Variants in TMEM94 observed in about 807,000 individuals in gnomAD.
The protein encoded by TMEM94 is ER Mg2+ ATPase.
Under a neutral mutation model 158.6 loss-of-function variants are expected in TMEM94, and 81 were observed. That is an observed-to-expected ratio of 0.51 (90% CI 0.43 to 0.61). The LOEUF (loss-of-function observed/expected upper bound fraction) is 0.61, where lower values mean the gene tolerates loss of function less well. TMEM94 is among the 20% of genes least tolerant of loss of function. The pLI, the probability that TMEM94 is intolerant of heterozygous loss-of-function variation, is 0.00. For synonymous variants in TMEM94, 751 were observed against 730.7 expected (o/e 1.03, Z -0.45); for missense variants, 1,435 against 1,762.0 (o/e 0.81, Z 3.32).
chr17:75,479,492 G>A (rs907145881), intron 2 of TMEM94, among the ~76,000 whole-genome samples: 1 of 147,926 alleles, frequency 6.8e-6, no homozygotes, highest in African/African-American at 2.5e-5. Flanking sequence ...GCTAATTTTT[G>A]TATTTTTAAT....
chr17:75,495,812 C>T lies in TMEM94; in HGVS notation c.2945-154C>T. 1 of 832,622 alleles carries T rather than the reference C, an allele frequency of 1.2e-6. No homozygotes were observed. Among genetic ancestry groups the T allele is most frequent in the Admixed American group, 2.3e-5 (1 of 43,148 alleles). 51.6% of individuals were successfully genotyped at this position (832,622 alleles called of 1,614,324 possible). ...TCTTGTGGGTTGGAGTCAGAAGTGCCGATGTTCACATGATCCCGCTGCCGG... is the reference window on the plus strand; with the variant it reads ...TCTTGTGGGTTGGAGTCAGAAGTGCTGATGTTCACATGATCCCGCTGCCGG... On this transcript the variant is annotated intron_variant, in intron 22 of 31. Transcript: ENST00000314256. The surrounding 1 kb of genome is among the most constrained non-coding windows in gnomAD (Gnocchi z 5.6).
Position 75,489,422 on chromosome 17 carries a change from A to G in TMEM94, c.867+54A>G. 6.4e-7 allele frequency: 1 copy of G among 1,569,272 alleles called. No homozygotes were observed. Among genetic ancestry groups the G allele is most frequent in the South Asian group, 1.1e-5 (1 of 90,100 alleles). ...CATGGGGCAGAGGAGAGGGCTGGAC[A>G]CGGGGGGGTCTCAGGGCCACTCACA... On this transcript the variant is annotated intron_variant, in intron 8 of 31. Transcript: ENST00000314256. The surrounding 1 kb of genome is among the most constrained non-coding windows in gnomAD (Gnocchi z 5.0).
intron 1 of TMEM94, among the ~76,000 whole-genome samples, chr17:75,468,726 C>T (rs1045579386): frequency 3.9e-5 from 6 of 152,146 alleles, no homozygotes; most frequent in Admixed American, 6.6e-5. Flanking sequence ...AGGAATTGGG[C>T]GGGGTTTTGG....
chr17:75,493,246 G>A lies in TMEM94; in HGVS notation c.2086+144G>A, dbSNP rs746591907. On this transcript the variant is annotated intron_variant, in intron 16 of 31. Coordinates refer to ENST00000314256, the MANE Select transcript of TMEM94 (RefSeq NM_014738.6). Reference sequence around the variant, plus strand: ...CAAGTGTTCCACTCTGGCAGGGCTGGAATTGGGGACCAGGGCTGGGATGGT... The same window carrying A: ...CAAGTGTTCCACTCTGGCAGGGCTGAAATTGGGGACCAGGGCTGGGATGGT... The A allele has an allele frequency of 4.2e-5, 42 of 993,984 alleles. 1 individual carries two copies. The highest frequency in any genetic ancestry group is 5.2e-4 in the Middle Eastern group (2 of 3,876). The allele number at this position is 993,984 out of a possible 1,614,324, so 61.6% of individuals were successfully genotyped here. A position where few individuals can be genotyped will look rare whatever the true frequency, so the allele number is the denominator to read the frequency against.
At position 75,498,024 on chromosome 17, in the gene TMEM94, C is replaced by T; in HGVS notation, c.3490-151C>T. On this transcript the variant is annotated intron_variant, in intron 27 of 31. Transcript: ENST00000314256. The surrounding 1 kb of genome is among the most constrained non-coding windows in gnomAD (Gnocchi z 6.7). ...CCCCAGATCAAAGAGGAGGTAGTGG[C>T]ACAGAGCTGGGAAAGACCCTTGCTG... The T allele has an allele frequency of 8.4e-7, 1 of 1,190,842 alleles. No homozygotes were observed. Among genetic ancestry groups the T allele is most frequent in the Non-Finnish European group, 1.2e-6 (1 of 838,976 alleles). 73.8% of individuals were successfully genotyped at this position (1,190,842 alleles called of 1,614,324 possible). A position where few individuals can be genotyped will look rare whatever the true frequency, so the allele number is the denominator to read the frequency against.
chr17:75,481,520 G>A (rs1278421356), intron 2 of TMEM94, among the ~76,000 whole-genome samples: 1 of 152,226 alleles, frequency 6.6e-6, no homozygotes, highest in Non-Finnish European at 1.5e-5. Flanking sequence ...GCATCCCTGG[G>A]CCCAGGAGCC....
rs552593403 is a variant in TMEM94, at chr17:75,464,552, C to T, written c.-106-7248C>T. On this transcript the variant is annotated intron_variant, in intron 1 of 31. Transcript: ENST00000314256. ...TCTTCAGTGACTCCTCAGAGCCTCT[C>T]CATTTTGGCCCCTTATCCCTGTGTA... is the stretch of plus-strand genomic sequence containing the variant. Among the ~76,000 whole-genome samples the T allele has an allele frequency of 2.6e-5, 4 of 152,174 alleles. No homozygotes were observed. The South Asian group carries it at 8.3e-4, about 32-fold the overall frequency.
At position 75,498,659 on chromosome 17, in the gene TMEM94, C is replaced by T. The variant is rs780286534; in HGVS notation, c.3764C>T (p.Thr1255Ile). 3 of 1,603,538 alleles carry T rather than the reference C, an allele frequency of 1.9e-6. No individual in the cohort carries two copies. Among genetic ancestry groups the T allele is most frequent in the Non-Finnish European group, 2.6e-6 (3 of 1,174,710 alleles). ...VFISITHVHR[T>I]KPLWRKSPLT... is the part of the protein sequence containing the mutation. ...ATTTCCATCACCCATGTGCATCGCACCAAGCCCCTGTGGAGAAAGAGCCCC... is the reference window on the plus strand; with the variant it reads ...ATTTCCATCACCCATGTGCATCGCATCAAGCCCCTGTGGAGAAAGAGCCCC... The change falls in exon 30 of 32, where the codon ACC becomes ATC. Residue 1255 changes from threonine (T) to isoleucine (I), a missense_variant. By Grantham distance (89) the Thr-to-Ile change is moderately conservative. Coordinates refer to ENST00000314256, the MANE Select transcript of TMEM94 (RefSeq NM_014738.6). This position sits in a 1 kb window ranked among gnomAD's most constrained non-coding sequence, Gnocchi z 6.7.
Position 75,487,998 on chromosome 17 carries a change from T to C in TMEM94, c.476T>C (p.Phe159Ser). The change falls in exon 6 of 32, where the codon TTT becomes TCT. Residue 159 changes from phenylalanine to serine, a missense_variant. By Grantham distance (155) the Phe-to-Ser change is radical (BLOSUM62 -2). Around this residue, in one of 3 missense-constraint regions of TMEM94, gnomAD observed 1,051 missense variants for 1,254.4 expected, o/e 0.84. Transcript: ENST00000314256. This position sits in a 1 kb window ranked among gnomAD's most constrained non-coding sequence, Gnocchi z 4.6. ...SAMYPDLHMP[F>S]APSWSLHWAY... is the part of the protein sequence containing the mutation. Reference sequence around the variant, plus strand: ...ATGTATCCAGACCTCCACATGCCTTTTGCGCCATCCTGGTCCTTGCACTGG... The same window carrying C: ...ATGTATCCAGACCTCCACATGCCTTCTGCGCCATCCTGGTCCTTGCACTGG... 1 of 1,614,196 alleles carries C rather than the reference T, an allele frequency of 6.2e-7. No individual in the cohort carries two copies.
At chr17:75,461,319 C>G (rs886761912) in intron 1 of TMEM94, among the ~76,000 whole-genome samples, 1 of 151,718 alleles carries the variant, frequency 6.6e-6, no homozygotes, top group Non-Finnish European at 1.5e-5. Flanking sequence ...ATGCTGATGT[C>G]GAACTCCTGA....
chr17:75,461,869 G>C (rs373279753), intron 1 of TMEM94, among the ~76,000 whole-genome samples: 1 of 149,730 alleles, frequency 6.7e-6, no homozygotes, highest in African/African-American at 2.5e-5. Flanking sequence ...AGTCGAGATC[G>C]TGCCACTGCA....
Position 75,486,380 on chromosome 17 carries a change from T to C in TMEM94, c.363T>C (p.Arg121=). 6.2e-7 allele frequency: 1 copy of C among 1,614,114 alleles called. No individual in the cohort carries two copies. Among genetic ancestry groups the C allele is most frequent in the Non-Finnish European group, 8.5e-7 (1 of 1,180,000 alleles). The change falls in exon 5 of 32, where the codon CGT becomes CGC. Residue 121 remains arginine (R), a synonymous_variant. Transcript: ENST00000314256. ...VLIGRQDRLK[R]REVERRLRGI... ...TCGGGCGGCAAGACCGGCTGAAGCG[T>C]CGGGAGGTAGAGCGGAGGCTGCGAG... is the stretch of plus-strand genomic sequence containing the variant.
intron 1 of TMEM94, among the ~76,000 whole-genome samples, chr17:75,468,093 G>A (rs1030495670): frequency 6.6e-6 from 1 of 152,176 alleles, no homozygotes; most frequent in Non-Finnish European, 1.5e-5. Flanking sequence ...GGTCATTGGC[G>A]TTTGAGACAT....
chr17:75,488,051 C>T lies in TMEM94; in HGVS notation c.529C>T (p.Leu177=). The change falls in exon 6 of 32, where the codon CTG becomes TTG. Residue 177 remains leucine, a synonymous_variant. Transcript: ENST00000314256. ...CTACAGAGACGGACACCTGGTCAAC[C>T]TGCCAGTCAGCCTGCTGGTTGAAGG... ...WAYRDGHLVN[L]PVSLLVEGDI... is the part of the protein sequence containing the mutation. The T allele has an allele frequency of 6.2e-7, 1 of 1,614,244 alleles. No individual in the cohort carries two copies. The highest frequency in any genetic ancestry group is 8.5e-7 in the Non-Finnish European group (1 of 1,180,044).
Position 75,487,398 on chromosome 17 carries a change from T to C in TMEM94, c.410-534T>C. 6.3e-6 allele frequency: 1 copy of C among 159,370 alleles called. No homozygotes were observed. The highest frequency in any genetic ancestry group is 1.4e-5 in the Non-Finnish European group (1 of 72,396). The allele number at this position is 159,370 out of a possible 1,614,324, so 9.9% of individuals were successfully genotyped here. A position where few individuals can be genotyped will look rare whatever the true frequency, so the allele number is the denominator to read the frequency against. The stretch of plus-strand genomic sequence containing the variant: ...CTCTGCTGGTGAGCTTCTCCCTCAC[T>C]CATCTCCAGCTGACAAAACCATTCT... On this transcript the variant is annotated intron_variant, in intron 5 of 31. Transcript: ENST00000314256. This position sits in a 1 kb window ranked among gnomAD's most constrained non-coding sequence, Gnocchi z 4.6.
At chr17:75,477,495 C>CGCCTCGG (rs1555624336) in intron 2 of TMEM94, among the ~76,000 whole-genome samples, 1 of 152,030 alleles carries the variant, frequency 6.6e-6, no homozygotes, top group Non-Finnish European at 1.5e-5. Context: ...GCGATCCACC[C>CGCCTCGG]GCCTCGGCCT....
intron 2 of TMEM94, among the ~76,000 whole-genome samples, chr17:75,477,728 C>T (rs115640808): frequency 0.016 from 2,461 of 151,938 alleles, 57 homozygotes; most frequent in African/African-American, 0.056. Flanking sequence ...GGGGACAGGG[C>T]GGCCGGGCGC....
intron 6 of TMEM94, 127 bp downstream of exon 6, chr17:75,488,261 G>C: frequency 2.4e-6 from 2 of 827,986 alleles, no homozygotes. Context: ...AGAGGCTCTG[G>C]AACATCTTCC....
At chr17:75,461,438 C>A (rs192321082) in intron 1 of TMEM94, among the ~76,000 whole-genome samples, 1 of 152,048 alleles carries the variant, frequency 6.6e-6, no homozygotes, top group South Asian at 2.1e-4. Flanking sequence ...TGGATACATT[C>A]ACATGGTTTG....
Sources: gnomAD v4.1 joint callset for allele counts (sites outside exome capture counted in the v4.1 genomes callset) on GRCh38, gnomAD v4.1.1 for gene constraint, gnomAD v4.1.1 regional missense constraint, Gnocchi (gnomAD v3.1) non-coding constraint, MANE v1.5 for transcripts, NCBI Gene and HGNC (gene_info 2026-07-23, HGNC 2026-07-21) for gene names.